The following NCKAP5 variants were observed in gnomAD, a reference collection of about 807,000 sequenced individuals.
The protein encoded by NCKAP5 is nck-associated protein 5.
NCKAP5 carries 92 observed loss-of-function variants against 167.0 expected under a neutral mutation model. The ratio of observed to expected loss-of-function variants is 0.55; its 90% CI spans 0.47 to 0.66. The LOEUF (loss-of-function observed/expected upper bound fraction) is 0.66. Among genes scored for constraint, NCKAP5 ranks in the 30% least tolerant of loss-of-function variants. The probability of loss-of-function intolerance (pLI) is 0.00; values close to 1 mark genes in which losing one functional copy is unlikely to be tolerated. For missense variants in NCKAP5, 2,378 were observed against 2,315.0 expected, an observed-to-expected ratio of 1.03 and a Z score of -0.56; for synonymous variants, 891 against 877.4, an observed-to-expected ratio of 1.02 and a Z score of -0.27.
At chr2:133,161,702 G>T (rs2083801445) in intron 5 of NCKAP5, among the ~76,000 whole-genome samples, 1 of 152,220 alleles carries the variant, frequency 6.6e-6, no homozygotes, top group African/African-American at 2.4e-5. Flanking sequence ...AAATTTTCAA[G>T]ATGTAACAAT....
Position 132,731,802 on chromosome 2 carries a change from T to A in NCKAP5, c.5378A>T (p.Asp1793Val). The A allele has an allele frequency of 6.2e-7, 1 of 1,613,356 alleles. No individual in the cohort carries two copies. Residue 1793 changes from aspartate to valine, a missense_variant, in exon 17 of 20, where the codon GAC becomes GTC. Transcript: ENST00000409261. ...ADSAIVHSTS[D>V]PIMTARGMRP... is the part of the protein sequence containing the mutation. ...CATCCCTCTGGCGGTCATGATGGGG[T>A]CGGATGTGGAATGAACAATGGCGCT... is the stretch of plus-strand genomic sequence containing the variant.
At chr2:133,326,743 C>T (rs1682481591) in intron 3 of NCKAP5, among the ~76,000 whole-genome samples, 1 of 152,174 alleles carries the variant, frequency 6.6e-6, no homozygotes, top group Admixed American at 6.5e-5. Flanking sequence ...ACTCTCAGAG[C>T]AGGATTTAAT....
chr2:133,375,361 A>G (rs558798596), intron 3 of NCKAP5, among the ~76,000 whole-genome samples: 5 of 152,352 alleles, frequency 3.3e-5, no homozygotes, highest in Admixed American at 2.0e-4. Context: ...GCCGTATGAA[A>G]TAAACCTGGA....
intron 6 of NCKAP5, among the ~76,000 whole-genome samples, chr2:133,075,449 T>C (rs2080567139): frequency 6.6e-6 from 1 of 152,186 alleles, no homozygotes. Context: ...TCGAGATAAA[T>C]GTATTATTTT....
chr2:133,132,738 G>A (rs140402963), intron 5 of NCKAP5, among the ~76,000 whole-genome samples: 2,487 of 149,352 alleles, frequency 0.017, 72 homozygotes, highest in African/African-American at 0.058. Flanking sequence ...GTGCAGTGGC[G>A]CGATCTCAGC....
rs567161220 is a variant in NCKAP5 at position 133,024,641 on chromosome 2, T to C, written c.342-30402A>G. Among the ~76,000 whole-genome samples, 8 of 152,348 alleles carry C rather than the reference T, an allele frequency of 5.3e-5. No homozygotes were observed. In the East Asian group the frequency reaches 1.3e-3, roughly 26 times the overall value. ...TGAAAACAACAGCTGTGGAAGAAAG[T>C]AATTAACATGATTTACTATATAATC... On this transcript the variant is annotated intron_variant, in intron 6 of 19. Coordinates refer to ENST00000409261, the MANE Select transcript of NCKAP5 (RefSeq NM_207363.3).
rs1161405931 is a variant in NCKAP5 at position 133,211,630 on chromosome 2, T to G, written c.207+2086A>C. ...ATATCTGTCTCACCAATCACTAGAC[T>G]GTAAGCTGTCAGATTTTGCCTGTGT... On this transcript the variant is annotated intron_variant, in intron 5 of 19. Transcript: ENST00000409261. 2.0e-5 allele frequency among the ~76,000 whole-genome samples: 3 copies of G among 152,224 alleles called. 1 individual carries two copies. Among genetic ancestry groups the G allele is most frequent in the Non-Finnish European group, 4.4e-5 (3 of 68,040 alleles).
chr2:133,368,338 T>C (rs111625461), intron 3 of NCKAP5, among the ~76,000 whole-genome samples: 1 of 152,352 alleles, frequency 6.6e-6, no homozygotes, highest in South Asian at 2.1e-4. Context: ...TGTAAATGGA[T>C]AAATAACCAA....
intron 3 of NCKAP5, among the ~76,000 whole-genome samples, chr2:133,490,176 T>C (rs1681313337): frequency 6.6e-6 from 1 of 152,196 alleles, no homozygotes; most frequent in Non-Finnish European, 1.5e-5. Flanking sequence ...CTGCCCAGCA[T>C]CAACGGCTAT....
intron 3 of NCKAP5, among the ~76,000 whole-genome samples, chr2:133,406,082 G>A (rs1390455007): frequency 1.3e-5 from 2 of 152,110 alleles, no homozygotes; most frequent in Admixed American, 6.5e-5. Flanking sequence ...CCATCATGTT[G>A]GGATTTTATT....
the NCKAP5 span, among the ~76,000 whole-genome samples, chr2:133,640,648 C>G: frequency 6.6e-6 from 1 of 152,158 alleles, no homozygotes; most frequent in Non-Finnish European, 1.5e-5. Flanking sequence ...CAGGCAAAAA[C>G]GTCAAAATGT....
At chr2:133,179,154 G>A in intron 5 of NCKAP5, among the ~76,000 whole-genome samples, 1 of 149,716 alleles carries the variant, frequency 6.7e-6, no homozygotes, top group Non-Finnish European at 1.5e-5. Context: ...AAAAACAAAA[G>A]AAAGCAAAAA....
chr2:132,859,110 T>C (rs1454418646), intron 11 of NCKAP5, among the ~76,000 whole-genome samples: 1 of 152,176 alleles, frequency 6.6e-6, no homozygotes, highest in Non-Finnish European at 1.5e-5. Context: ...TAGAGATAGA[T>C]GACTTCGCTC....
the NCKAP5 span, among the ~76,000 whole-genome samples, chr2:133,596,617 C>A: frequency 2.6e-5 from 4 of 152,058 alleles, no homozygotes; most frequent in Non-Finnish European, 4.4e-5. Flanking sequence ...CATGAATGAG[C>A]GAACAGAATG....
rs770812431 is a variant in NCKAP5, at chr2:132,963,796, G to C, written c.503C>G (p.Ser168Trp). 1 of 1,613,724 alleles carries C rather than the reference G, an allele frequency of 6.2e-7. No individual in the cohort carries two copies. The highest frequency in any genetic ancestry group is 1.1e-5 in the South Asian group (1 of 91,064). Residue 168 changes from serine to tryptophan, a missense_variant, in exon 8 of 20, where the codon TCG becomes TGG. Physicochemically the swap from Ser to Trp is radical, Grantham distance 177 (BLOSUM62 -3). This residue lies in a region of NCKAP5 where 1,049 missense variants were observed against 1,023.4 expected (regional missense o/e 1.02). Transcript: ENST00000409261. ...ATCTGTACTGCTGCTTTCACTCCTC[G>C]AATCCTCATCAACCACCATGTGAAG... ...EDLHMVVDED[S>W]RSESSSTDEG...
intron 8 of NCKAP5, among the ~76,000 whole-genome samples, chr2:132,887,754 C>T (rs1692367153): frequency 6.6e-6 from 1 of 152,140 alleles, no homozygotes; most frequent in African/African-American, 2.4e-5. Context: ...TCAAGTGATC[C>T]TCCCGCCTCA....
chr2:133,338,124 T>A (rs1683334832), intron 3 of NCKAP5, among the ~76,000 whole-genome samples: 2 of 152,230 alleles, frequency 1.3e-5, no homozygotes, highest in South Asian at 2.1e-4. Context: ...TATTGCATTT[T>A]TTTTTTGTTG....
intron 3 of NCKAP5, among the ~76,000 whole-genome samples, chr2:133,479,933 T>C (rs571511680): frequency 1.1e-5 from 1 of 89,174 alleles, no homozygotes; most frequent in Admixed American, 9.5e-5. Context: ...TTCTTTTTCC[T>C]TTTTTTTTTT....
At chr2:133,471,269 C>T (rs1679275560) in intron 3 of NCKAP5, among the ~76,000 whole-genome samples, 1 of 152,186 alleles carries the variant, frequency 6.6e-6, no homozygotes, top group Non-Finnish European at 1.5e-5. Context: ...GCACGAACAG[C>T]CACTTTACTC....
Sources: gnomAD v4.1 joint callset for allele counts (sites outside exome capture counted in the v4.1 genomes callset) on GRCh38, gnomAD v4.1.1 for gene constraint, gnomAD v4.1.1 regional missense constraint, MANE v1.5 for transcripts, NCBI Gene and HGNC (gene_info 2026-07-23, HGNC 2026-07-21) for gene names.